MACROD2: variants seen among roughly 807,000 people sequenced by gnomAD.
MACROD2 encodes the protein mono-ADP ribosylhydrolase 2.
In MACROD2, 36 loss-of-function variants were observed where a neutral mutation model predicts 70.4. That is an observed-to-expected ratio of 0.51 (90% CI 0.39 to 0.68). MACROD2 has a LOEUF of 0.68. Among genes scored for constraint, MACROD2 ranks in the 30% least tolerant of loss-of-function variants. The pLI is 0.00. For synonymous variants in MACROD2, 172 were observed against 178.8 expected (o/e 0.96, Z 0.30); for missense variants, 496 against 538.4 (o/e 0.92, Z 0.78).
chr20:15,585,486 A>G (rs908762638), intron 8 of MACROD2, among the ~76,000 whole-genome samples: 1 of 152,060 alleles, frequency 6.6e-6, no homozygotes, highest in South Asian at 2.1e-4. Context: ...GTGAGCCACC[A>G]TGCCCGGCCT....
At chr20:14,463,476 T>G (rs1411494656) in intron 3 of MACROD2, among the ~76,000 whole-genome samples, 1 of 152,120 alleles carries the variant, frequency 6.6e-6, no homozygotes, top group African/African-American at 2.4e-5. Context: ...TCATGTCATC[T>G]GCAAACAGGG....
chr20:15,037,574 A>C (rs2075322900), intron 5 of MACROD2, among the ~76,000 whole-genome samples: 1 of 152,120 alleles, frequency 6.6e-6, no homozygotes, highest in South Asian at 2.1e-4. Context: ...AGTGTATTGG[A>C]GATAGAGTCT....
intron 8 of MACROD2, among the ~76,000 whole-genome samples, chr20:15,748,751 A>G (rs927491733): frequency 1.3e-5 from 2 of 152,138 alleles, no homozygotes; most frequent in African/African-American, 4.8e-5. Context: ...ATATTTTATT[A>G]AGAAGTCTGA....
At chr20:14,242,044 G>A (rs2081934102) in intron 3 of MACROD2, among the ~76,000 whole-genome samples, 1 of 152,118 alleles carries the variant, frequency 6.6e-6, no homozygotes, top group Non-Finnish European at 1.5e-5. Flanking sequence ...AGTGATAGAA[G>A]TCAGATTAAA....
At chr20:14,093,521 T>C (rs1360902700) in intron 3 of MACROD2, among the ~76,000 whole-genome samples, 1 of 152,198 alleles carries the variant, frequency 6.6e-6, no homozygotes, top group Non-Finnish European at 1.5e-5. Context: ...AAATTCAGTA[T>C]TTACTATGAG....
chr20:15,806,361 G>A (rs920244638), intron 8 of MACROD2, among the ~76,000 whole-genome samples: 6 of 152,290 alleles, frequency 3.9e-5, no homozygotes, highest in South Asian at 2.1e-4. Flanking sequence ...GACAGTGGAA[G>A]TGAACTTACA....
At chr20:15,088,020 A>G (rs1456800794) in intron 5 of MACROD2, among the ~76,000 whole-genome samples, 1 of 151,998 alleles carries the variant, frequency 6.6e-6, no homozygotes, top group East Asian at 1.9e-4. Flanking sequence ...TTCACATGCC[A>G]GGTAACATGT....
At chr20:15,256,596 A>G (rs1304724054) in intron 6 of MACROD2, among the ~76,000 whole-genome samples, 1 of 152,058 alleles carries the variant, frequency 6.6e-6, no homozygotes. Flanking sequence ...GACTCTTACT[A>G]CTTAAAACTT....
At chr20:14,115,923 A>T (rs929136226) in intron 3 of MACROD2, among the ~76,000 whole-genome samples, 1 of 152,224 alleles carries the variant, frequency 6.6e-6, no homozygotes, top group African/African-American at 2.4e-5. Flanking sequence ...TATCATTCAC[A>T]TAAGAAAAAG....
At chr20:14,554,496 A>T (rs533397961) in intron 4 of MACROD2, 1 of 152,262 alleles carries the variant, frequency 6.6e-6, no homozygotes, top group South Asian at 2.1e-4. Flanking sequence ...TATTTGATAA[A>T]CTGGAATCAT....
At chr20:16,005,260 C>G (rs1185077054) in intron 15 of MACROD2, among the ~76,000 whole-genome samples, 1 of 152,176 alleles carries the variant, frequency 6.6e-6, no homozygotes, top group African/African-American at 2.4e-5. Context: ...TTTAGCAGCC[C>G]TTATCTGATT....
chr20:14,963,189 T>A (rs1216178456), intron 5 of MACROD2, among the ~76,000 whole-genome samples: 26 of 152,126 alleles, frequency 1.7e-4, no homozygotes. Flanking sequence ...TAGAGATTAT[T>A]GAGTACCGTA....
chr20:14,119,517 C>T (rs1408023267), intron 3 of MACROD2, among the ~76,000 whole-genome samples: 1 of 152,044 alleles, frequency 6.6e-6, no homozygotes, highest in Non-Finnish European at 1.5e-5. Flanking sequence ...ACTGTTGGTG[C>T]TTCAAGTGTT....
At chr20:14,458,980 A>T (rs1260796680) in intron 3 of MACROD2, among the ~76,000 whole-genome samples, 1 of 152,116 alleles carries the variant, frequency 6.6e-6, no homozygotes, top group African/African-American at 2.4e-5. Flanking sequence ...TTGGCAACAC[A>T]TGTAACAGAT....
intron 3 of MACROD2, among the ~76,000 whole-genome samples, chr20:14,333,759 C>G (rs1413209398): frequency 6.6e-6 from 1 of 152,124 alleles, no homozygotes; most frequent in Non-Finnish European, 1.5e-5. Context: ...GTGAGACCAC[C>G]TGAAATCATA....
intron 3 of MACROD2, among the ~76,000 whole-genome samples, chr20:14,100,449 A>G (rs2054283392): frequency 6.7e-6 from 1 of 150,208 alleles, no homozygotes; most frequent in Admixed American, 6.7e-5. Flanking sequence ...GATATATCAC[A>G]TTAATTTTTT....
chr20:15,109,937 G>C (rs1449612770), intron 5 of MACROD2, among the ~76,000 whole-genome samples: 1 of 152,000 alleles, frequency 6.6e-6, no homozygotes, highest in African/African-American at 2.4e-5. Flanking sequence ...GAGCAAAAAG[G>C]CAAGTGCCGT....
At chr20:15,730,220 C>T (rs4814398) in intron 8 of MACROD2, among the ~76,000 whole-genome samples, 106,491 of 152,074 alleles carry the variant, frequency 0.7, 37,551 homozygotes, top group Middle Eastern at 0.81. Flanking sequence ...CTGATATGTA[C>T]AGATTTCATC....
chr20:15,837,711 G>T (rs898323427), intron 8 of MACROD2, among the ~76,000 whole-genome samples: 1 of 151,974 alleles, frequency 6.6e-6, no homozygotes, highest in Non-Finnish European at 1.5e-5. Flanking sequence ...ATATATATTG[G>T]CCTCTGAGCT....
Sources: gnomAD v4.1 joint callset for allele counts (sites outside exome capture counted in the v4.1 genomes callset) on GRCh38, gnomAD v4.1.1 for gene constraint, MANE v1.5 for transcripts, NCBI Gene and HGNC (gene_info 2026-07-23, HGNC 2026-07-21) for gene names.